Variants in CNTNAP2 observed in about 807,000 individuals in gnomAD.
CNTNAP2 encodes the protein contactin-associated protein-like 2.
A neutral mutation model predicts 155.2 loss-of-function variants in CNTNAP2; 98 were observed. The ratio of observed to expected loss-of-function variants is 0.63; its 90% CI spans 0.54 to 0.75. The LOEUF (loss-of-function observed/expected upper bound fraction) is 0.75. CNTNAP2 is among the 30% of genes least tolerant of loss of function. The pLI is 0.00. For synonymous variants in CNTNAP2, 651 were observed against 631.2 expected, an observed-to-expected ratio of 1.03 and a Z score of -0.47; for missense variants, 1,727 against 1,688.1, an observed-to-expected ratio of 1.02 and a Z score of -0.40.
intron 1 of CNTNAP2, among the ~76,000 whole-genome samples, chr7:146,500,234 G>C (rs1554441445): frequency 7.2e-6 from 1 of 138,294 alleles, no homozygotes; most frequent in Non-Finnish European, 1.5e-5. Flanking sequence ...ACCAACACAG[G>C]GGTTCGGGCT....
chr7:147,832,630 A>G (rs1798570061), intron 13 of CNTNAP2, among the ~76,000 whole-genome samples: 1 of 146,286 alleles, frequency 6.8e-6, no homozygotes, highest in African/African-American at 2.5e-5. Context: ...ATATTTTTAT[A>G]TAAAGCAATA....
chr7:147,095,750 G>A (rs1800517695), intron 4 of CNTNAP2, among the ~76,000 whole-genome samples: 8 of 151,934 alleles, frequency 5.3e-5, no homozygotes, highest in Admixed American at 5.2e-4. Context: ...TTTTATTTCA[G>A]TACATCTTCC....
At chr7:146,922,054 A>G (rs1003999137) in intron 3 of CNTNAP2, among the ~76,000 whole-genome samples, 1 of 152,146 alleles carries the variant, frequency 6.6e-6, no homozygotes, top group African/African-American at 2.4e-5. Flanking sequence ...CCCTTTCAGA[A>G]TGATAGATAT....
At chr7:146,831,258 G>A (rs1688053879) in intron 2 of CNTNAP2, among the ~76,000 whole-genome samples, 1 of 151,914 alleles carries the variant, frequency 6.6e-6, no homozygotes, top group African/African-American at 2.4e-5. Context: ...GGTTTTTATG[G>A]TTTTTAGTTT....
intron 14 of CNTNAP2, among the ~76,000 whole-genome samples, chr7:147,950,030 T>C (rs1800898208): frequency 6.6e-6 from 1 of 152,146 alleles, no homozygotes; most frequent in Non-Finnish European, 1.5e-5. Context: ...TCCCAACTTT[T>C]ACCCATCAAA....
At chr7:146,166,665 C>A (rs911748450) in intron 1 of CNTNAP2, among the ~76,000 whole-genome samples, 1 of 152,154 alleles carries the variant, frequency 6.6e-6, no homozygotes, top group African/African-American at 2.4e-5. Flanking sequence ...AACATTTAAG[C>A]TATTTTTAAA....
At chr7:146,126,478 G>C (rs905721479) in intron 1 of CNTNAP2, among the ~76,000 whole-genome samples, 8 of 152,250 alleles carry the variant, frequency 5.3e-5, no homozygotes, top group Admixed American at 4.6e-4. Flanking sequence ...TACTTTTGCA[G>C]TGTAGTTCTA....
At chr7:148,127,912 C>T (rs897389908) in intron 16 of CNTNAP2, among the ~76,000 whole-genome samples, 6 of 152,158 alleles carry the variant, frequency 3.9e-5, no homozygotes, top group Non-Finnish European at 7.3e-5. Flanking sequence ...CTCTGTCGCC[C>T]AGCCTGGAGT....
chr7:148,313,309 C>G (rs34251712), intron 21 of CNTNAP2, among the ~76,000 whole-genome samples: 31,999 of 149,884 alleles, frequency 0.21, 3,871 homozygotes, highest in Middle Eastern at 0.3. Flanking sequence ...GATCGGGCAG[C>G]GTCCGTCTTC....
chr7:146,677,721 C>T (rs1326760300), intron 1 of CNTNAP2, among the ~76,000 whole-genome samples: 1 of 151,440 alleles, frequency 6.6e-6, no homozygotes, highest in East Asian at 1.9e-4. Context: ...GAGGCAGTTC[C>T]TGAATTGTTT....
At chr7:147,059,151 G>C (rs1169061997) in intron 4 of CNTNAP2, among the ~76,000 whole-genome samples, 3 of 152,210 alleles carry the variant, frequency 2.0e-5, no homozygotes, top group Non-Finnish European at 4.4e-5. Flanking sequence ...TGATTTTGAG[G>C]ATGAAGTCAC....
chr7:147,326,815 C>G (rs117255623), intron 9 of CNTNAP2, among the ~76,000 whole-genome samples: 73 of 152,250 alleles, frequency 4.8e-4, no homozygotes, highest in South Asian at 3.3e-3. Context: ...CCTCACTTAC[C>G]CTTGGCTTTT....
chr7:147,000,620 G>T (rs1798403394), intron 3 of CNTNAP2, among the ~76,000 whole-genome samples: 1 of 152,122 alleles, frequency 6.6e-6, no homozygotes, highest in African/African-American at 2.4e-5. Context: ...CAGTACTAGG[G>T]GGTGCCCTAT....
intron 1 of CNTNAP2, among the ~76,000 whole-genome samples, chr7:146,419,669 TAAC>T (rs1351915777): frequency 6.6e-6 from 1 of 152,050 alleles, no homozygotes; most frequent in African/African-American, 2.4e-5. Flanking sequence ...AAAAGGTGCT[TAAC>T]AACATTCTTC....
At chr7:147,715,879 G>A (rs1796475847) in intron 13 of CNTNAP2, among the ~76,000 whole-genome samples, 1 of 152,134 alleles carries the variant, frequency 6.6e-6, no homozygotes, top group Non-Finnish European at 1.5e-5. Flanking sequence ...TGTATAAGGT[G>A]CAAGGTTTAG....
intron 15 of CNTNAP2, among the ~76,000 whole-genome samples, chr7:148,033,496 T>TG (rs1364194737): frequency 6.6e-6 from 1 of 152,116 alleles, no homozygotes; most frequent in African/African-American, 2.4e-5. Context: ...ACAAAGGCCC[T>TG]TGTGTGTGTT....
chr7:146,582,199 A>G (rs916964689), intron 1 of CNTNAP2, among the ~76,000 whole-genome samples: 2 of 152,166 alleles, frequency 1.3e-5, no homozygotes, highest in African/African-American at 2.4e-5. Context: ...TCCCCATAGC[A>G]AAATCAAGTG....
At chr7:146,589,017 G>T (rs528311909) in intron 1 of CNTNAP2, among the ~76,000 whole-genome samples, 1 of 152,080 alleles carries the variant, frequency 6.6e-6, no homozygotes, top group Admixed American at 6.6e-5. Context: ...CTCATTCACT[G>T]TCTTTCCTTT....
At chr7:146,824,979 CT>C (rs1318537761) in intron 2 of CNTNAP2, among the ~76,000 whole-genome samples, 1 of 150,930 alleles carries the variant, frequency 6.6e-6, no homozygotes, top group Non-Finnish European at 1.5e-5. Context: ...TAAAGAAATT[CT>C]TTACATGAAG....
Sources: allele counts gnomAD v4.1 joint callset (sites outside exome capture counted in the v4.1 genomes callset), GRCh38; gene constraint gnomAD v4.1.1; transcripts MANE v1.5; gene names NCBI Gene and HGNC (gene_info 2026-07-23, HGNC 2026-07-21).